TENM2: variants seen among roughly 807,000 people sequenced by gnomAD.
The protein encoded by TENM2 is teneurin-2.
A neutral mutation model predicts 245.2 loss-of-function variants in TENM2; 52 were observed. The ratio of observed to expected loss-of-function variants is 0.21; its 90% CI spans 0.17 to 0.27. The LOEUF is 0.27. Ranked by LOEUF, TENM2 falls within the 10% of genes least tolerant of loss-of-function variation. The pLI is 1.00. For missense variants in TENM2, 3,046 were observed against 3,666.8 expected, an observed-to-expected ratio of 0.83 and a Z score of 4.37; for synonymous variants, 1,363 against 1,438.9, an observed-to-expected ratio of 0.95 and a Z score of 1.19.
chr5:168,241,360 A>T (rs1262248935), intron 25 of TENM2, among the ~76,000 whole-genome samples: 1 of 151,258 alleles, frequency 6.6e-6, no homozygotes, highest in Non-Finnish European at 1.5e-5. Flanking sequence ...GGTTCAAACA[A>T]TTCTCCTGCT....
intron 2 of TENM2, among the ~76,000 whole-genome samples, chr5:167,445,371 T>TGAGAGAGAGA (rs370726285): frequency 1.2e-5 from 1 of 81,636 alleles, no homozygotes; most frequent in African/African-American, 6.3e-5. Flanking sequence ...AGAGAGAGAG[T>TGAGAGAGAGA]GTCAGGTGTT....
chr5:167,731,565 A>AT (rs112353111), intron 2 of TENM2, among the ~76,000 whole-genome samples: 23,316 of 148,954 alleles, frequency 0.16, 1,926 homozygotes, highest in Middle Eastern at 0.21. Context: ...TAACAAAAGC[A>AT]TTTTTTTTTT....
chr5:167,981,079 C>T (rs187268322), intron 4 of TENM2, among the ~76,000 whole-genome samples: 2 of 152,278 alleles, frequency 1.3e-5, no homozygotes, highest in Admixed American at 6.5e-5. Flanking sequence ...GTGACTGGTC[C>T]GAGTAAGGAT....
At chr5:168,162,800 G>T in intron 13 of TENM2, 43 bp downstream of exon 15, 1 of 1,597,648 alleles carries the variant, frequency 6.3e-7, no homozygotes, top group African/African-American at 1.3e-5. Flanking sequence ...AGAGCAGAGC[G>T]TTGTCCATGC....
intron 3 of TENM2, among the ~76,000 whole-genome samples, chr5:167,906,435 C>T (rs902922292): frequency 6.6e-6 from 1 of 152,170 alleles, no homozygotes; most frequent in Non-Finnish European, 1.5e-5. Flanking sequence ...CCTGTTTGCC[C>T]AAGTGCAGCC....
rs759128109 is a variant in TENM2, at chr5:167,818,537, G to A, written c.503-57449G>A. On this transcript the variant is annotated intron_variant, in intron 2 of 28. Transcript: ENST00000518659. ...ATCTCATTACCCATAGTTTCCAGAT[G>A]AGGAAACTGAGTCTCAAGGAGGATG... Among the ~76,000 whole-genome samples, 52 of 152,050 alleles carry A rather than the reference G, an allele frequency of 3.4e-4. 1 individual carries two copies. The highest frequency in any genetic ancestry group is 6.3e-4 in the Non-Finnish European group (43 of 68,022).
intron 2 of TENM2, among the ~76,000 whole-genome samples, chr5:167,502,881 C>T (rs1032095775): frequency 6.6e-6 from 1 of 152,134 alleles, no homozygotes; most frequent in Non-Finnish European, 1.5e-5. Flanking sequence ...AATCTGTATA[C>T]ACCAGCTTTT....
At chr5:167,344,289 C>T (rs1758313366) in intron 1 of TENM2, among the ~76,000 whole-genome samples, 3 of 107,564 alleles carry the variant, frequency 2.8e-5, no homozygotes, top group African/African-American at 4.1e-5. Context: ...CACGCACACA[C>T]ACACACACAC....
rs573501823 is a variant in TENM2, at chr5:168,149,214, A to G, written c.2423-13397A>G. 2.6e-5 allele frequency among the ~76,000 whole-genome samples: 4 copies of G among 152,178 alleles called. No individual in the cohort carries two copies. The South Asian group carries it at 6.2e-4, about 24-fold the overall frequency. The stretch of plus-strand genomic sequence containing the variant: ...TTGCAGATAGAGCTGCTGTGACTCA[A>G]TGGTTCTCTCCGCGTCTCCACTCTC... On this transcript the variant is annotated intron_variant, in intron 12 of 28. Coordinates refer to ENST00000518659, the Ensembl canonical transcript of TENM2.
intron 2 of TENM2, among the ~76,000 whole-genome samples, chr5:167,809,944 C>T (rs779571958): frequency 2.1e-4 from 32 of 152,178 alleles, no homozygotes; most frequent in Admixed American, 3.3e-4. Flanking sequence ...TTGCTCCAGT[C>T]AATAGAGATT....
chr5:167,256,739 T>C, the TENM2 span, among the ~76,000 whole-genome samples: 1 of 152,056 alleles, frequency 6.6e-6, no homozygotes, highest in African/African-American at 2.4e-5. Context: ...GAGGATAATA[T>C]ATTTGGATTG....
At position 167,285,152 on chromosome 5, in the gene TENM2, G is replaced by C. The variant is rs1022947070; in HGVS notation, c.226+89G>C. The C allele has an allele frequency of 4.8e-6, 5 of 1,039,292 alleles. No homozygotes were observed. The South Asian group carries it at 5.8e-5, about 12-fold the overall frequency. 64.4% of individuals were successfully genotyped at this position (1,039,292 alleles called of 1,614,324 possible). On this transcript the variant is annotated intron_variant, in intron 1 of 28. Transcript: ENST00000518659. ...ATGGCTGCTTTTGGAGATCCAGCATGGTGGTTTTTGACAGATGTACCCTAC... is the reference window on the plus strand; with the variant it reads ...ATGGCTGCTTTTGGAGATCCAGCATCGTGGTTTTTGACAGATGTACCCTAC...
chr5:167,943,280 A>T (rs1779337736), intron 3 of TENM2, among the ~76,000 whole-genome samples: 1 of 152,166 alleles, frequency 6.6e-6, no homozygotes, highest in African/African-American at 2.4e-5. Context: ...TGAATGGTGT[A>T]GATCAGAGTT....
At chr5:167,017,865 T>C in the TENM2 span, among the ~76,000 whole-genome samples, 2 of 152,114 alleles carry the variant, frequency 1.3e-5, no homozygotes, top group African/African-American at 2.4e-5. Flanking sequence ...TAAATTAACA[T>C]TACCGTTGTC....
At chr5:167,913,111 A>G (rs1174683446) in intron 3 of TENM2, among the ~76,000 whole-genome samples, 1 of 152,202 alleles carries the variant, frequency 6.6e-6, no homozygotes, top group Non-Finnish European at 1.5e-5. Flanking sequence ...CAGCATTGCC[A>G]TAATGTTGAG....
At chr5:167,853,793 A>T (rs1770822802) in intron 2 of TENM2, among the ~76,000 whole-genome samples, 1 of 152,148 alleles carries the variant, frequency 6.6e-6, no homozygotes, top group Non-Finnish European at 1.5e-5. Context: ...TTCCCATGTA[A>T]GTTTTAGATT....
At chr5:167,796,252 T>C (rs1583030621) in intron 2 of TENM2, among the ~76,000 whole-genome samples, 2 of 152,192 alleles carry the variant, frequency 1.3e-5, no homozygotes, top group East Asian at 3.9e-4. Flanking sequence ...TATCATGTGT[T>C]ATCCTGCCTC....
At chr5:168,203,854 C>A (rs756914163) in intron 18 of TENM2, 22 bp downstream of exon 20, 1 of 1,582,550 alleles carries the variant, frequency 6.3e-7, no homozygotes, top group Non-Finnish European at 8.6e-7. Flanking sequence ...CATCTTCTTT[C>A]CCAAATACAG....
intron 2 of TENM2, among the ~76,000 whole-genome samples, chr5:167,781,147 C>CA (rs1648130683): frequency 6.6e-6 from 1 of 152,026 alleles, no homozygotes; most frequent in African/African-American, 2.4e-5. Context: ...ACCATCTTTA[C>CA]AAAAAATGCA....
Sources: allele counts gnomAD v4.1 joint callset (sites outside exome capture counted in the v4.1 genomes callset), GRCh38; gene constraint gnomAD v4.1.1; transcripts MANE v1.5; gene names NCBI Gene and HGNC (gene_info 2026-07-23, HGNC 2026-07-21).